Variants in GATA6 observed in about 807,000 individuals in gnomAD.
The protein encoded by GATA6 is GATA binding protein 6, also known as transcription factor GATA-6.
GATA6 carries 11 observed loss-of-function variants against 48.1 expected under a neutral mutation model. The observed-to-expected ratio is 0.23, with a 90% CI of 0.14 to 0.38. GATA6 has a LOEUF of 0.38. GATA6 is among the 10% of genes least tolerant of loss of function. The pLI is 1.00. For missense variants in GATA6, 795 were observed against 850.3 expected (o/e 0.93, Z 0.81); for synonymous variants, 419 against 396.1 (o/e 1.06, Z -0.69).
At chr18:22,184,635 C>T (rs2033240437) in intron 6 of GATA6, among the ~76,000 whole-genome samples, 1 of 152,036 alleles carries the variant, frequency 6.6e-6, no homozygotes, top group African/African-American at 2.4e-5. Context: ...GCTAGAATTA[C>T]AGGCATACAC....
intron 6 of GATA6, among the ~76,000 whole-genome samples, chr18:22,188,004 A>C (rs2033284306): frequency 6.6e-6 from 1 of 152,160 alleles, no homozygotes; most frequent in Admixed American, 6.5e-5. Context: ...TGGGAGACTG[A>C]GGCTGGAGGA....
intron 6 of GATA6, among the ~76,000 whole-genome samples, chr18:22,197,210 C>A (rs530177946): frequency 2.8e-4 from 42 of 151,632 alleles, no homozygotes; most frequent in Non-Finnish European, 5.1e-4. Context: ...CTCCACCTTG[C>A]TCGGCTAATT....
intron 6 of GATA6, among the ~76,000 whole-genome samples, chr18:22,183,479 C>CT (rs45471800): frequency 0.033 from 4,977 of 152,164 alleles, 172 homozygotes; most frequent in East Asian, 0.086. Context: ...CAATTCCAGC[C>CT]TTTTTTTCTT....
intron 6 of GATA6, among the ~76,000 whole-genome samples, chr18:22,184,328 C>T (rs528889274): frequency 6.7e-6 from 1 of 149,974 alleles, no homozygotes; most frequent in African/African-American, 2.5e-5. Flanking sequence ...GGGAAGAAGC[C>T]TTTTAGTTGT....
intron 6 of GATA6, among the ~76,000 whole-genome samples, chr18:22,183,377 T>C (rs2033222369): frequency 6.6e-6 from 1 of 152,246 alleles, no homozygotes; most frequent in Non-Finnish European, 1.5e-5. Flanking sequence ...TGTATATTTA[T>C]GTATTTCCGA....
At chr18:22,193,995 C>T (rs1216129242) in intron 6 of GATA6, among the ~76,000 whole-genome samples, 1 of 151,792 alleles carries the variant, frequency 6.6e-6, no homozygotes, top group Non-Finnish European at 1.5e-5. Context: ...GGGCATTTGT[C>T]TCCATGAGTT....
intron 6 of GATA6, among the ~76,000 whole-genome samples, chr18:22,190,323 G>A (rs1417764337): frequency 6.6e-6 from 1 of 152,150 alleles, no homozygotes; most frequent in East Asian, 1.9e-4. Context: ...ACCTAATGTG[G>A]TTATAACAAG....
rs1318985431 is a variant in GATA6 at position 22,170,637 on chromosome 18, G to A, written c.-37-471G>A. On this transcript the variant is annotated intron_variant, in intron 1 of 6. Transcript: ENST00000269216. This position sits in a 1 kb window ranked among gnomAD's most constrained non-coding sequence, Gnocchi z 6.7. ...TTCCCGTGGGGAACCCTCACCCCGA[G>A]GCATTTCGGGAGAGGGGCATCCGCA... 6.6e-6 allele frequency among the ~76,000 whole-genome samples: 1 copy of A among 152,234 alleles called. No individual in the cohort carries two copies. The highest frequency in any genetic ancestry group is 2.4e-5 in the African/African-American group (1 of 41,470).
intron 6 of GATA6, among the ~76,000 whole-genome samples, chr18:22,188,686 C>G (rs188455182): frequency 6.6e-6 from 1 of 152,120 alleles, no homozygotes; most frequent in Admixed American, 6.5e-5. Flanking sequence ...CTTACTGGAG[C>G]GTTCTGTATT....
chr18:22,172,201 C>A lies in GATA6; in HGVS notation c.1057C>A (p.Pro353Thr). ...ACTGACGCCTGCCTGGCCCGCCGGA[C>A]CCTTCGAGACCCCGGTGCTGCACAG... ...APLTPAWPAG[P>T]FETPVLHSLQ... Residue 353 changes from proline (P) to threonine (T), a missense_variant, in exon 2 of 7, where the codon CCC (proline) becomes ACC (threonine). Physicochemically the swap from Pro to Thr is conservative, Grantham distance 38. This residue lies in a region of GATA6 where 591 missense variants were observed against 570.0 expected (regional missense o/e 1.04). Coordinates refer to ENST00000269216, the MANE Select transcript of GATA6 (RefSeq NM_005257.6). The surrounding 1 kb of genome is among the most constrained non-coding windows in gnomAD (Gnocchi z 5.2). The A allele has an allele frequency of 6.5e-7, 1 of 1,534,288 alleles. No individual in the cohort carries two copies. Among genetic ancestry groups the A allele is most frequent in the Non-Finnish European group, 8.7e-7 (1 of 1,146,176 alleles).
intron 6 of GATA6, among the ~76,000 whole-genome samples, chr18:22,191,677 A>T (rs2033329854): frequency 6.6e-6 from 1 of 152,232 alleles, no homozygotes. Context: ...TTAAAAAAGC[A>T]TCTCCATAGA....
At chr18:22,199,641 G>A (rs1440218567) in intron 6 of GATA6, among the ~76,000 whole-genome samples, 2 of 152,172 alleles carry the variant, frequency 1.3e-5, no homozygotes, top group African/African-American at 2.4e-5. Flanking sequence ...AGTGGCTCAC[G>A]CCTGTAATCC....
intron 2 of GATA6, among the ~76,000 whole-genome samples, chr18:22,174,506 C>T (rs540615336): frequency 3.3e-5 from 5 of 152,060 alleles, no homozygotes; most frequent in African/African-American, 1.2e-4. Flanking sequence ...TCTGTAGACC[C>T]AGAAGATTTG....
At chr18:22,184,043 T>C (rs535703035) in intron 6 of GATA6, among the ~76,000 whole-genome samples, 1 of 152,342 alleles carries the variant, frequency 6.6e-6, no homozygotes, top group South Asian at 2.1e-4. Context: ...ATTTTCCAAG[T>C]CAGAGTCTCT....
chr18:22,188,750 C>T (rs1341047598), intron 6 of GATA6, among the ~76,000 whole-genome samples: 8 of 152,246 alleles, frequency 5.3e-5, no homozygotes, highest in Middle Eastern at 6.8e-3. Flanking sequence ...AGTTTACAAG[C>T]AGAGTTTCCT....
chr18:22,171,299 G>T lies in GATA6; in HGVS notation c.155G>T (p.Arg52Leu), dbSNP rs541150137. The change falls in exon 2 of 7, where the codon CGG becomes CTG. Residue 52 changes from arginine (R) to leucine (L), a missense_variant. Transcript: ENST00000269216. The surrounding 1 kb of genome is among the most constrained non-coding windows in gnomAD (Gnocchi z 7.1). ...SSSSCSRGGE[R>L]GPGGASNCGT... ...TCCTCCTGCTCCCGGGGCGGAGAGC[G>T]GGGCCCCGGCGGCGCCAGCAACTGC... 3.1e-6 allele frequency: 5 copies of T among 1,592,038 alleles called. No individual in the cohort carries two copies. The East Asian group carries it at 6.7e-5, about 21-fold the overall frequency.
intron 6 of GATA6, among the ~76,000 whole-genome samples, chr18:22,195,767 C>A (rs897257547): frequency 6.6e-6 from 1 of 152,098 alleles, no homozygotes; most frequent in African/African-American, 2.4e-5. Context: ...CCATTTTGCT[C>A]CATGATCTTA....
Position 22,172,342 on chromosome 18 carries a change from G to C in GATA6, c.1135+63G>C. 1 of 1,507,688 alleles carries C rather than the reference G, an allele frequency of 6.6e-7. No homozygotes were observed. 93.4% of individuals were successfully genotyped at this position (1,507,688 alleles called of 1,614,324 possible). A position where few individuals can be genotyped will look rare whatever the true frequency, so the allele number is the denominator to read the frequency against. ...AGCGCTGGGGCGCACGGGGGACGTG[G>C]AGCAGCTGCTCCACTCGGGCCCTGT... is the stretch of plus-strand genomic sequence containing the variant. On this transcript the variant is annotated intron_variant, in intron 2 of 6. Coordinates refer to ENST00000269216, the MANE Select transcript of GATA6 (RefSeq NM_005257.6). This position sits in a 1 kb window ranked among gnomAD's most constrained non-coding sequence, Gnocchi z 5.2.
intron 6 of GATA6, among the ~76,000 whole-genome samples, chr18:22,187,364 C>T (rs1189919167): frequency 6.6e-6 from 1 of 152,018 alleles, no homozygotes; most frequent in Non-Finnish European, 1.5e-5. Context: ...CCTGTAATCC[C>T]AGCTACTCTG....
Sources: allele counts gnomAD v4.1 joint callset (sites outside exome capture counted in the v4.1 genomes callset), GRCh38; gene constraint gnomAD v4.1.1; regional missense constraint gnomAD v4.1.1; non-coding constraint Gnocchi (gnomAD v3.1); transcripts MANE v1.5; gene names NCBI Gene and HGNC (gene_info 2026-07-23, HGNC 2026-07-21).